The following TRPM6 variants were observed in gnomAD, a reference collection of about 807,000 sequenced individuals.
TRPM6 encodes the protein channel kinase 2.
In TRPM6, 111 loss-of-function variants were observed where a neutral mutation model predicts 247.6. The observed-to-expected ratio is 0.45, with a 90% CI of 0.38 to 0.52. The LOEUF is 0.52. TRPM6 is among the 20% of genes least tolerant of loss of function. TRPM6 has a pLI of 0.00. For missense variants in TRPM6, 2,126 were observed against 2,421.5 expected (o/e 0.88, Z 2.56); for synonymous variants, 892 against 853.8 (o/e 1.04, Z -0.78).
rs186469485 is a variant in TRPM6 at position 74,802,068 on chromosome 9, A to C, written c.1839T>G (p.Val613=). The change falls in exon 16 of 39, where the codon GTT becomes GTG. Residue 613 remains valine (V), a synonymous_variant. Transcript: ENST00000360774. ...GFLYPYNDLL[V]WAVLMKRQKM... is the part of the protein sequence containing the mutation. ...TCTGCCTTTTCATCAGCACAGCCCA[A>C]ACCAGCAGGTCATTGTAAGGGTAAA... 6.2e-7 allele frequency: 1 copy of C among 1,614,154 alleles called. No homozygotes were observed. Among genetic ancestry groups the C allele is most frequent in the Admixed American group, 1.7e-5 (1 of 60,018 alleles).
chr9:74,788,852 G>A lies in TRPM6; in HGVS notation c.2539-110C>T, dbSNP rs531545316. On this transcript the variant is annotated intron_variant, in intron 19 of 38. Transcript: ENST00000360774. ...GGCATGAACTTCAACATGATAACAC[G>A]AACACAGAACTAGGACCACCTTCGG... is the stretch of plus-strand genomic sequence containing the variant. The A allele has an allele frequency of 2.8e-5, 36 of 1,308,130 alleles. 1 individual carries two copies. Among genetic ancestry groups the A allele is most frequent in the South Asian group, 2.5e-4 (20 of 79,492 alleles). 81.0% of individuals were successfully genotyped at this position (1,308,130 alleles called of 1,614,324 possible). A position where few individuals can be genotyped will look rare whatever the true frequency, so the allele number is the denominator to read the frequency against.
At chr9:74,735,654 A>T (rs572639933) in intron 36 of TRPM6, among the ~76,000 whole-genome samples, 4 of 152,340 alleles carry the variant, frequency 2.6e-5, no homozygotes, top group African/African-American at 9.6e-5. Flanking sequence ...TGTAATTTGA[A>T]ATACAATTGT....
intron 3 of TRPM6, among the ~76,000 whole-genome samples, chr9:74,846,511 T>C (rs1414288642): frequency 1.3e-5 from 2 of 152,188 alleles, no homozygotes; most frequent in Admixed American, 1.3e-4. Context: ...CTTTAAAAAC[T>C]GAAAACATTT....
intron 37 of TRPM6, among the ~76,000 whole-genome samples, chr9:74,731,833 T>C (rs1405372058): frequency 2.0e-5 from 3 of 152,084 alleles, no homozygotes; most frequent in Admixed American, 1.3e-4. Flanking sequence ...AGCATCATAA[T>C]TCCCTGGGAA....
intron 27 of TRPM6, among the ~76,000 whole-genome samples, chr9:74,757,743 T>A (rs1052179799): frequency 1.1e-4 from 17 of 151,870 alleles, no homozygotes; most frequent in African/African-American, 4.1e-4. Context: ...TCAAACTCCA[T>A]CTCTATTAAA....
chr9:74,867,580 A>G (rs1438681786), intron 1 of TRPM6, among the ~76,000 whole-genome samples: 1 of 152,228 alleles, frequency 6.6e-6, no homozygotes, highest in Non-Finnish European at 1.5e-5. Context: ...TTTATGCTCA[A>G]TGAAAGGGAC....
intron 12 of TRPM6, among the ~76,000 whole-genome samples, chr9:74,811,524 G>A (rs1828728743): frequency 6.6e-6 from 1 of 152,180 alleles, no homozygotes; most frequent in African/African-American, 2.4e-5. Flanking sequence ...TTTCAACAAA[G>A]GGTTTACATG....
At chr9:74,859,688 C>T (rs938023490) in intron 1 of TRPM6, among the ~76,000 whole-genome samples, 2 of 151,646 alleles carry the variant, frequency 1.3e-5, no homozygotes, top group Non-Finnish European at 2.9e-5. Flanking sequence ...GCATGAGAAT[C>T]GCTTGAACCT....
At chr9:74,864,210 T>C (rs1830776593) in intron 1 of TRPM6, among the ~76,000 whole-genome samples, 2 of 152,196 alleles carry the variant, frequency 1.3e-5, no homozygotes, top group South Asian at 2.1e-4. Context: ...ATGGGTCAAA[T>C]AGACAATATT....
intron 3 of TRPM6, among the ~76,000 whole-genome samples, chr9:74,851,404 T>A (rs1373017170): frequency 6.6e-6 from 1 of 151,814 alleles, no homozygotes; most frequent in Non-Finnish European, 1.5e-5. Flanking sequence ...GAAAAAAAAA[T>A]CAAAATCTCA....
At chr9:74,822,409 C>T (rs926189657) in intron 7 of TRPM6, among the ~76,000 whole-genome samples, 2 of 129,520 alleles carry the variant, frequency 1.5e-5, no homozygotes, top group African/African-American at 5.0e-5. Context: ...ACCACCACAC[C>T]TAGCTTTTTT....
intron 3 of TRPM6, among the ~76,000 whole-genome samples, chr9:74,851,755 A>ATAT (rs1357941765): frequency 1.1e-3 from 150 of 139,006 alleles, no homozygotes; most frequent in African/African-American, 3.9e-3. Context: ...TCTCAAAAAA[A>ATAT]AAAAAAAAAT....
At chr9:74,816,465 GAAAAAAA>G (rs34100441) in intron 11 of TRPM6, among the ~76,000 whole-genome samples, 197 bp downstream of exon 11, 28 of 93,652 alleles carry the variant, frequency 3.0e-4, no homozygotes, top group African/African-American at 9.3e-4. Context: ...GCAGAGCCAG[GAAAAAAA>G]AAAAAAAAAA....
chr9:74,837,748 CTT>C (rs3056761), intron 5 of TRPM6, among the ~76,000 whole-genome samples: 68,399 of 136,002 alleles, frequency 0.5, 17,659 homozygotes, highest in Middle Eastern at 0.65. Flanking sequence ...GCCCGGCCCC[CTT>C]TTTTTTTTTT....
In TRPM6 at chr9:74,723,895, A is replaced by T. The variant is rs1334977649; in HGVS notation, c.*718T>A. On this transcript the variant is annotated 3_prime_UTR_variant, in exon 39 of 39. Coordinates refer to ENST00000360774, the MANE Select transcript of TRPM6 (RefSeq NM_017662.5). ...ATTCCATATATATTATATATATAAAAATATATATAATATACATATTCCATA... is the reference window on the plus strand; with the variant it reads ...ATTCCATATATATTATATATATAAATATATATATAATATACATATTCCATA... 3.4e-5 allele frequency: 5 copies of T among 145,172 alleles called. No homozygotes were observed. Among genetic ancestry groups the T allele is most frequent in the African/African-American group, 1.2e-4 (5 of 40,212 alleles). 9.0% of individuals were successfully genotyped at this position (145,172 alleles called of 1,614,324 possible).
chr9:74,807,069 C>T (rs1828550001), intron 14 of TRPM6, among the ~76,000 whole-genome samples: 1 of 152,166 alleles, frequency 6.6e-6, no homozygotes, highest in Non-Finnish European at 1.5e-5. Flanking sequence ...ATCCTTATGC[C>T]TTTGAAATCT....
chr9:74,874,441 C>A (rs1199664446), intron 1 of TRPM6, among the ~76,000 whole-genome samples: 6 of 152,080 alleles, frequency 3.9e-5, no homozygotes, highest in Non-Finnish European at 5.9e-5. Context: ...TTAGAGACTG[C>A]CTGTACTTTC....
intron 3 of TRPM6, among the ~76,000 whole-genome samples, chr9:74,850,667 C>T (rs974540961): frequency 6.6e-6 from 1 of 151,808 alleles, no homozygotes; most frequent in African/African-American, 2.4e-5. Flanking sequence ...TTACTGTGAG[C>T]CGAGATCACA....
intron 30 of TRPM6, among the ~76,000 whole-genome samples, chr9:74,748,806 G>GA (rs1282879377): frequency 6.6e-6 from 1 of 151,984 alleles, no homozygotes; most frequent in Non-Finnish European, 1.5e-5. Context: ...ATTTTAAAAA[G>GA]AAAAAAATTA....
Sources: allele counts gnomAD v4.1 joint callset (sites outside exome capture counted in the v4.1 genomes callset), GRCh38; gene constraint gnomAD v4.1.1; transcripts MANE v1.5; gene names NCBI Gene and HGNC (gene_info 2026-07-23, HGNC 2026-07-21).